Variants in IL4I1 observed in about 807,000 individuals in gnomAD.
The protein encoded by IL4I1 is interleukin 4 induced 1, also known as L-amino-acid oxidase.
In IL4I1, 24 loss-of-function variants were observed where a neutral mutation model predicts 29.7. That is an observed-to-expected ratio of 0.81 (90% CI 0.59 to 1.14). IL4I1 has a LOEUF of 1.14. Among genes scored for constraint, IL4I1 ranks in the 50% most tolerant of loss-of-function variants. IL4I1 has a pLI of 0.00. For synonymous variants in IL4I1, 371 were observed against 352.5 expected (o/e 1.05, Z -0.59); for missense variants, 686 against 785.6 (o/e 0.87, Z 1.52).
chr19:49,895,223 C>T (rs1266905285), intron 3 of IL4I1, 43 bp from the exon 4 acceptor site: 4 of 1,513,284 alleles, frequency 2.6e-6, no homozygotes, highest in Non-Finnish European at 3.7e-6. Context: ...CAGCTCCACC[C>T]ACTGACCATC....
chr19:49,891,148 C>G, intron 6 of IL4I1, 41 bp from the exon 7 acceptor site: 5 of 1,598,848 alleles, frequency 3.1e-6, no homozygotes, highest in Non-Finnish European at 4.3e-6. Flanking sequence ...CCCAGGCAGG[C>G]TGCACCCCTG....
chr19:49,920,631 C>T (rs1022659855), intron 2 of IL4I1, among the ~76,000 whole-genome samples: 2 of 152,186 alleles, frequency 1.3e-5, no homozygotes, highest in South Asian at 2.1e-4. Context: ...GACTTTACCC[C>T]GAGGGCAACG....
At chr19:49,896,989 T>A, upstream of IL4I1, 2 of 590,610 alleles carry the variant, frequency 3.4e-6, no homozygotes, top group Non-Finnish European at 4.3e-6. Flanking sequence ...TTCCTGGAGC[T>A]GCTCTGGTCC....
intron 2 of IL4I1, among the ~76,000 whole-genome samples, chr19:49,918,917 G>C (rs1158194395): frequency 1.5e-5 from 2 of 133,790 alleles, no homozygotes; most frequent in Non-Finnish European, 3.2e-5. Flanking sequence ...GGCGGGGTGT[G>C]GGGGGGCGGA....
intron 3 of IL4I1, among the ~76,000 whole-genome samples, chr19:49,902,560 G>A (rs2122556854): frequency 6.6e-6 from 1 of 152,226 alleles, no homozygotes; most frequent in Non-Finnish European, 1.5e-5. Context: ...GGGCATGGTG[G>A]CTGACACCTG....
At chr19:49,895,705 AC>A in intron 3 of IL4I1, 109 bp downstream of exon 3, 14 of 464,338 alleles carry the variant, frequency 3.0e-5, no homozygotes, top group Non-Finnish European at 4.3e-5. Context: ...CTCTCCCCCC[AC>A]ATCCCCACCT....
upstream of IL4I1, among the ~76,000 whole-genome samples, chr19:49,901,031 G>A (rs775753974): frequency 2.0e-5 from 3 of 152,206 alleles, no homozygotes; most frequent in Non-Finnish European, 4.4e-5. Context: ...CCTGCCTTAC[G>A]TATATACGCA....
chr19:49,902,511 A>AAAAAC (rs1394502503), intron 3 of IL4I1, among the ~76,000 whole-genome samples: 8 of 151,890 alleles, frequency 5.3e-5, no homozygotes, highest in Non-Finnish European at 1.5e-5. Context: ...CTCATCACTG[A>AAAAAC]AAAACAAAAC....
chr19:49,893,856 G>A (rs984173261), intron 5 of IL4I1, among the ~76,000 whole-genome samples: 12 of 151,672 alleles, frequency 7.9e-5, no homozygotes, highest in African/African-American at 1.9e-4. Context: ...GCGTGGTGGC[G>A]GGCGCCTGTA....
At chr19:49,901,096 T>C (rs552591038), upstream of IL4I1, among the ~76,000 whole-genome samples, 1 of 152,210 alleles carries the variant, frequency 6.6e-6, no homozygotes, top group East Asian at 1.9e-4. Flanking sequence ...AAAAGTTTCA[T>C]TGGCCAGACG....
At chr19:49,927,151 G>A (rs928785424) in intron 2 of IL4I1, among the ~76,000 whole-genome samples, 19 of 152,192 alleles carry the variant, frequency 1.2e-4, no homozygotes, top group African/African-American at 4.6e-4. Flanking sequence ...ATGAGCCACC[G>A]TGCCTGGTCC....
At chr19:49,890,652 G>C in intron 7 of IL4I1, 52 bp from the exon 8 acceptor site, 1 of 1,420,272 alleles carries the variant, frequency 7.0e-7, no homozygotes, top group Non-Finnish European at 9.3e-7. Flanking sequence ...CTGCGGCCCT[G>C]CCCCTCTGCC....
At position 49,921,833 on chromosome 19, in the gene IL4I1, C is replaced by G. The variant is rs1051965650; in HGVS notation, c.-228+5861G>C. The stretch of plus-strand genomic sequence containing the variant: ...CCGGGTACTTTCCTCCGTGCCCAAG[C>G]AACCCTGTAGGAACCACATATCCTG... On this transcript the variant is annotated intron_variant, in intron 2 of 9. Coordinates refer to the IL4I1 transcript ENST00000341114. This position sits in a 1 kb window ranked among gnomAD's most constrained non-coding sequence, Gnocchi z 5.4. 6.6e-6 allele frequency among the ~76,000 whole-genome samples: 1 copy of G among 152,242 alleles called. No individual in the cohort carries two copies. Among genetic ancestry groups the G allele is most frequent in the African/African-American group, 2.4e-5 (1 of 41,466 alleles).
At chr19:49,903,830 G>GTTTTTTGTT (rs2075291461) in intron 3 of IL4I1, among the ~76,000 whole-genome samples, 1 of 66,528 alleles carries the variant, frequency 1.5e-5, no homozygotes, top group Non-Finnish European at 2.7e-5. Flanking sequence ...TATGTGCTGG[G>GTTTTTTGTT]TTTTTTTTTT....
At chr19:49,899,579 C>T (rs148871017), upstream of IL4I1, among the ~76,000 whole-genome samples, 586 of 148,420 alleles carry the variant, frequency 3.9e-3, 4 homozygotes, top group African/African-American at 0.014. Context: ...TTAATTGAGA[C>T]GGAGTCTCAC....
rs751765277 is a variant in IL4I1, at chr19:49,908,853, C to T, written c.-227-4532G>A. On this transcript the variant is annotated intron_variant, in intron 2 of 9. Coordinates refer to the IL4I1 transcript ENST00000341114. ...GCGGAGCTGGCAGCCGCCCCTGCAG[C>T]TGCGCCAGGGCCAGGTGGAGCGGTC... 5.0e-6 allele frequency: 8 copies of T among 1,612,208 alleles called. No homozygotes were observed. Among genetic ancestry groups the T allele is most frequent in the Non-Finnish European group, 6.8e-6 (8 of 1,179,962 alleles).
chr19:49,924,459 G>A (rs1246944555), intron 2 of IL4I1, among the ~76,000 whole-genome samples: 1 of 152,052 alleles, frequency 6.6e-6, no homozygotes, highest in African/African-American at 2.4e-5. Context: ...CGAACTCCCC[G>A]TCCCCGTCAA....
At chr19:49,894,219 G>A (rs1203188747) in intron 5 of IL4I1, 49 bp downstream of exon 5, 1 of 1,565,078 alleles carries the variant, frequency 6.4e-7, no homozygotes, top group Non-Finnish European at 8.7e-7. Flanking sequence ...GCGAGCTTAG[G>A]AGGAGGACAG....
intron 2 of IL4I1, among the ~76,000 whole-genome samples, chr19:49,913,571 G>C (rs1166798589): frequency 2.0e-5 from 3 of 152,250 alleles, no homozygotes; most frequent in Non-Finnish European, 4.4e-5. Context: ...CGCTGTTGCA[G>C]GGAGAACTGA....
Sources: allele counts gnomAD v4.1 joint callset (sites outside exome capture counted in the v4.1 genomes callset), GRCh38; gene constraint gnomAD v4.1.1; non-coding constraint Gnocchi (gnomAD v3.1); transcripts MANE v1.5; gene names NCBI Gene and HGNC (gene_info 2026-07-23, HGNC 2026-07-21).